The following MYH11 variants were observed in gnomAD, a reference collection of about 807,000 sequenced individuals.
MYH11 encodes the protein myosin-11.
MYH11 carries 80 observed loss-of-function variants against 246.6 expected under a neutral mutation model. The ratio of observed to expected loss-of-function variants is 0.32; its 90% CI spans 0.27 to 0.39. The LOEUF (loss-of-function observed/expected upper bound fraction) is 0.39. Among genes scored for constraint, MYH11 ranks in the 10% least tolerant of loss-of-function variants. The probability of loss-of-function intolerance (pLI) is 1.00; values close to 1 mark genes in which losing one functional copy is unlikely to be tolerated. For synonymous variants in MYH11, 1,071 were observed against 1,015.5 expected, an observed-to-expected ratio of 1.05 and a Z score of -1.04; for missense variants, 2,158 against 2,546.8, an observed-to-expected ratio of 0.85 and a Z score of 3.29.
intron 27 of MYH11, among the ~76,000 whole-genome samples, chr16:15,727,414 T>C (rs1313773564): frequency 6.6e-6 from 1 of 152,080 alleles, no homozygotes; most frequent in African/African-American, 2.4e-5. Flanking sequence ...TTAGCCAGGC[T>C]GCTCTCGAAC....
In MYH11 at chr16:15,823,304, C is replaced by T. The variant is rs61734199; in HGVS notation, c.453G>A (p.Pro151=). 7.7e-4 allele frequency: 1,247 copies of T among 1,614,194 alleles called. 2 individuals carry two copies. Among genetic ancestry groups the T allele is most frequent in the African/African-American group, 7.0e-3 (528 of 75,050 alleles). Residue 151 remains proline, a synonymous_variant, in exon 3 of 41, where the codon CCG becomes CCA. Transcript: ENST00000300036. The stretch of plus-strand genomic sequence containing the variant: ...TGTCTGCGATGGCGTAGATGTGAGG[C>T]GGCATCTCGTGCCTCTTCTTGCCCT... ...MYKGKKRHEM[P]PHIYAIADTA...
intron 6 of MYH11, chr16:15,779,132 CTT>C: frequency 1.9e-6 from 1 of 522,228 alleles, no homozygotes; most frequent in Non-Finnish European, 3.5e-6. Context: ...TTTAAAAAAA[CTT>C]ATTTATTTAT....
chr16:15,711,434 A>C (rs983292755), intron 40 of MYH11, among the ~76,000 whole-genome samples: 1 of 152,294 alleles, frequency 6.6e-6, no homozygotes, highest in Admixed American at 6.5e-5. Context: ...CAATAGCTAG[A>C]TATTGAACTT....
At chr16:15,727,437 G>A (rs534451207) in intron 27 of MYH11, among the ~76,000 whole-genome samples, 61 of 152,160 alleles carry the variant, frequency 4.0e-4, no homozygotes, top group African/African-American at 1.3e-3. Context: ...CTGACCTCAA[G>A]TGATCCACCC....
intron 3 of MYH11, among the ~76,000 whole-genome samples, chr16:15,817,149 G>A (rs17214768): frequency 0.14 from 20,884 of 152,132 alleles, 1,487 homozygotes; most frequent in East Asian, 0.15. Flanking sequence ...AATGCACAAG[G>A]GTTGAAGGGA....
chr16:15,753,542 G>C, intron 14 of MYH11, 34 bp from the exon 15 acceptor site: 2 of 1,564,768 alleles, frequency 1.3e-6, no homozygotes, highest in Non-Finnish European at 1.8e-6. Flanking sequence ...AGAACCCCTG[G>C]GAAACTAGAA....
chr16:15,850,550 G>A (rs2044304682), intron 1 of MYH11, among the ~76,000 whole-genome samples: 1 of 152,120 alleles, frequency 6.6e-6, no homozygotes, highest in Non-Finnish European at 1.5e-5. Context: ...TGGAGATCAG[G>A]TAAGTAATAC....
At chr16:15,711,780 T>G (rs2039811799) in intron 40 of MYH11, among the ~76,000 whole-genome samples, 2 of 152,046 alleles carry the variant, frequency 1.3e-5, no homozygotes, top group African/African-American at 4.8e-5. Flanking sequence ...GTAACCTGTG[T>G]CTCCCAGGTT....
intron 36 of MYH11, chr16:15,718,733 C>T: frequency 2.0e-6 from 1 of 512,368 alleles, no homozygotes. Flanking sequence ...TGAATGAAAG[C>T]AGCCACACCC....
chr16:15,814,553 C>CAA lies in MYH11; in HGVS notation c.502+8700_502+8701dup, dbSNP rs58806731. Reference sequence around the variant, plus strand: ...GGACAACGAGAGTGAAACTCCATCTCAAAAAAAAAAAAAAAAAAAAAAAAA... The same window carrying CAA: ...GGACAACGAGAGTGAAACTCCATCTCAAAAAAAAAAAAAAAAAAAAAAAAAAA... On this transcript the variant is annotated intron_variant, in intron 3 of 40. Coordinates refer to ENST00000300036, the MANE Select transcript of MYH11 (RefSeq NM_002474.3). Among the ~76,000 whole-genome samples, 208 of 22,786 alleles carry CAA rather than the reference C, an allele frequency of 9.1e-3. 13 individuals carry two copies. Among genetic ancestry groups the CAA allele is most frequent in the Non-Finnish European group, 0.011 (99 of 8,622 alleles). The allele number at this position is 22,786 out of a possible 152,430, so 14.9% of individuals were successfully genotyped here.
At chr16:15,771,486 C>G (rs955780252) in intron 9 of MYH11, 83 bp downstream of exon 9, 222 of 1,186,388 alleles carry the variant, frequency 1.9e-4, no homozygotes, top group Admixed American at 2.5e-4. Flanking sequence ...GAGCAGAAAT[C>G]TGTCCTGACC....
intron 9 of MYH11, 36 bp downstream of exon 9, chr16:15,771,533 G>T: frequency 6.2e-7 from 1 of 1,610,848 alleles, no homozygotes; most frequent in South Asian, 1.1e-5. Flanking sequence ...TGGTATCCAG[G>T]CAAGCTACCC....
intron 40 of MYH11, among the ~76,000 whole-genome samples, chr16:15,709,449 G>A (rs773001947): frequency 5.9e-5 from 9 of 152,038 alleles, no homozygotes; most frequent in Admixed American, 3.9e-4. Flanking sequence ...CGAGTAGCTG[G>A]GATTACAGGC....
chr16:15,813,851 CA>C (rs34708718), intron 3 of MYH11, among the ~76,000 whole-genome samples: 156 of 141,746 alleles, frequency 1.1e-3, no homozygotes, highest in African/African-American at 1.3e-3. Flanking sequence ...GGGGAAAAGG[CA>C]AAAAAAAAAA....
At chr16:15,781,296 C>T (rs897145692) in intron 6 of MYH11, among the ~76,000 whole-genome samples, 4 of 152,136 alleles carry the variant, frequency 2.6e-5, no homozygotes, top group African/African-American at 7.2e-5. Context: ...TCATCTAATA[C>T]GTGTAGGAGG....
intron 40 of MYH11, among the ~76,000 whole-genome samples, chr16:15,706,490 G>A (rs913626169): frequency 1.8e-4 from 27 of 152,242 alleles, no homozygotes; most frequent in Admixed American, 2.6e-4. Context: ...CAGATCACTC[G>A]TGAGGTCAGT....
At position 15,740,623 on chromosome 16, in the gene MYH11, AAAAT is replaced by A. The variant is rs1200575488; in HGVS notation, c.2860-439_2860-436del. On this transcript the variant is annotated intron_variant, in intron 22 of 40. Transcript: ENST00000300036. ...GAGACTCTGTCTCAAAAAAAAAAAA[AAAAT>A]AAAGACCTGGGTAAGCTGCTCTGCT... Among the ~76,000 whole-genome samples, 277 of 151,886 alleles carry A rather than the reference AAAAT, an allele frequency of 1.8e-3. 2 individuals carry two copies. The highest frequency in any genetic ancestry group is 6.4e-3 in the African/African-American group (264 of 41,454).
At chr16:15,844,077 C>T (rs920333626) in intron 1 of MYH11, among the ~76,000 whole-genome samples, 1 of 152,134 alleles carries the variant, frequency 6.6e-6, no homozygotes, top group Non-Finnish European at 1.5e-5. Context: ...AGTGCCGTTA[C>T]CACTAATGAC....
rs762422005 is a variant in MYH11 at position 15,753,522 on chromosome 16, C to G, written c.1750-14G>C. ...ATTATAGTCCACCTGCCAAGGACAC[C>G]CTGCTGGTCAGAACCCCTGGGAAAC... On this transcript the variant is annotated splice_polypyrimidine_tract_variant and intron_variant, in intron 14 of 40. Coordinates refer to ENST00000300036, the MANE Select transcript of MYH11 (RefSeq NM_002474.3). 3 of 1,605,108 alleles carry G rather than the reference C, an allele frequency of 1.9e-6. No individual in the cohort carries two copies. Among genetic ancestry groups the G allele is most frequent in the East Asian group, 4.5e-5 (2 of 44,828 alleles).
Sources: allele counts gnomAD v4.1 joint callset (sites outside exome capture counted in the v4.1 genomes callset), GRCh38; gene constraint gnomAD v4.1.1; transcripts MANE v1.5; gene names NCBI Gene and HGNC (gene_info 2026-07-23, HGNC 2026-07-21).